Variants in PRPSAP2 observed in about 807,000 individuals in gnomAD.
PRPSAP2 encodes the protein phosphoribosyl pyrophosphate synthetase associated protein 2.
PRPSAP2 carries 24 observed loss-of-function variants against 40.6 expected under a neutral mutation model. The ratio of observed to expected loss-of-function variants is 0.59; its 90% CI spans 0.43 to 0.83. The LOEUF is 0.83. Ranked by LOEUF, PRPSAP2 falls within the 40% of genes least tolerant of loss-of-function variation. The probability of loss-of-function intolerance (pLI) is 0.00; values close to 1 mark genes in which losing one functional copy is unlikely to be tolerated. For missense variants in PRPSAP2, 292 were observed against 465.6 expected, an observed-to-expected ratio of 0.63 and a Z score of 3.43; for synonymous variants, 149 against 164.7, an observed-to-expected ratio of 0.90 and a Z score of 0.73.
chr17:18,908,068 G>A (rs1351237990), intron 8 of PRPSAP2, among the ~76,000 whole-genome samples: 1 of 152,136 alleles, frequency 6.6e-6, no homozygotes, highest in African/African-American at 2.4e-5. Flanking sequence ...ATCCAGAGGT[G>A]GAGGCTGCAG....
intron 8 of PRPSAP2, among the ~76,000 whole-genome samples, chr17:18,890,293 C>T (rs1057456740): frequency 2.0e-5 from 3 of 152,042 alleles, no homozygotes; most frequent in Non-Finnish European, 4.4e-5. Context: ...CCTCAGCCTC[C>T]CAAGTAGCTG....
At chr17:18,890,872 C>T (rs956264156) in intron 8 of PRPSAP2, among the ~76,000 whole-genome samples, 3 of 152,202 alleles carry the variant, frequency 2.0e-5, no homozygotes, top group Non-Finnish European at 4.4e-5. Flanking sequence ...AAAATTGACA[C>T]AACCTGAGGT....
intron 8 of PRPSAP2, among the ~76,000 whole-genome samples, chr17:18,895,466 G>C (rs930895073): frequency 9.9e-5 from 15 of 151,602 alleles, no homozygotes; most frequent in African/African-American, 3.6e-4. Flanking sequence ...TTAGTTCTGT[G>C]AACATATTTA....
chr17:18,872,711 A>T, intron 5 of PRPSAP2, 62 bp downstream of exon 5: 1 of 1,245,512 alleles, frequency 8.0e-7, no homozygotes, highest in Non-Finnish European at 1.2e-6. Flanking sequence ...GTTTAAAATA[A>T]TGATAGATGG....
At chr17:18,892,581 G>A (rs1218006879) in intron 8 of PRPSAP2, among the ~76,000 whole-genome samples, 2 of 149,650 alleles carry the variant, frequency 1.3e-5, no homozygotes, top group Non-Finnish European at 3.0e-5. Context: ...AATGATTGAT[G>A]ATGTTGAGTA....
At chr17:18,900,344 T>TG (rs1357494427) in intron 8 of PRPSAP2, among the ~76,000 whole-genome samples, 2 of 152,182 alleles carry the variant, frequency 1.3e-5, no homozygotes, top group African/African-American at 4.8e-5. Flanking sequence ...TTATACCTTC[T>TG]ATTTTTTTGT....
chr17:18,861,377 T>A (rs1402955482), intron 1 of PRPSAP2: 4 of 151,280 alleles, frequency 2.6e-5, no homozygotes. Flanking sequence ...GGCAGGAGAA[T>A]CGCTTGAACC....
intron 8 of PRPSAP2, among the ~76,000 whole-genome samples, chr17:18,903,780 A>C (rs1343159124): frequency 6.6e-6 from 1 of 152,120 alleles, no homozygotes; most frequent in Admixed American, 6.6e-5. Context: ...AGCTCTGTCG[A>C]CATGGCATCA....
chr17:18,887,266 A>C (rs1314040289), intron 7 of PRPSAP2, among the ~76,000 whole-genome samples: 1 of 151,094 alleles, frequency 6.6e-6, no homozygotes, highest in East Asian at 1.9e-4. Flanking sequence ...GAAAAATTTT[A>C]ATGAAAAGAA....
In PRPSAP2 at chr17:18,882,551, C is replaced by A; in HGVS notation, c.413-17C>A. 1.4e-6 allele frequency: 2 copies of A among 1,412,360 alleles called. No individual in the cohort carries two copies. Among genetic ancestry groups the A allele is most frequent in the South Asian group, 1.2e-5 (1 of 81,928 alleles). 87.5% of individuals were successfully genotyped at this position (1,412,360 alleles called of 1,614,324 possible). On this transcript the variant is annotated splice_polypyrimidine_tract_variant and intron_variant, in intron 6 of 11. Transcript: ENST00000268835. ...AAACAAAACTATTTATTGCTTGTGT[C>A]TGCTTTATTTTCAAAGGTCTAACTC...
chr17:18,870,194 A>G (rs1415894545), intron 4 of PRPSAP2, among the ~76,000 whole-genome samples: 8 of 152,260 alleles, frequency 5.3e-5, no homozygotes, highest in Non-Finnish European at 1.5e-5. Flanking sequence ...CCTAGCTTGA[A>G]CAGTTAACAT....
Position 18,878,898 on chromosome 17 carries a change from C to G in PRPSAP2, c.412+1028C>G, listed in dbSNP as rs1239794722. On this transcript the variant is annotated intron_variant, in intron 6 of 11. Coordinates refer to ENST00000268835, the MANE Select transcript of PRPSAP2 (RefSeq NM_002767.4). Reference sequence around the variant, plus strand: ...GTTTATTTATTTTTTGAGACGGAGTCTTGCTCCGTTGCCCAGGCTGGAGTG... The same window carrying G: ...GTTTATTTATTTTTTGAGACGGAGTGTTGCTCCGTTGCCCAGGCTGGAGTG... Among the ~76,000 whole-genome samples the G allele has an allele frequency of 4.7e-5, 7 of 149,596 alleles. No individual in the cohort carries two copies. In the East Asian group the frequency reaches 1.0e-3, roughly 21 times the overall value.
intron 9 of PRPSAP2, among the ~76,000 whole-genome samples, chr17:18,923,349 G>A (rs929150757): frequency 1.4e-5 from 2 of 145,216 alleles, no homozygotes; most frequent in Non-Finnish European, 3.0e-5. Context: ...CTCGTGATCC[G>A]CCCGCCTCAG....
chr17:18,903,054 G>A (rs1321435620), intron 8 of PRPSAP2, among the ~76,000 whole-genome samples: 3 of 151,992 alleles, frequency 2.0e-5, no homozygotes, highest in African/African-American at 7.3e-5. Context: ...AGGTCAGTTG[G>A]GTAGATTGGA....
chr17:18,860,087 T>G (rs777624666), intron 1 of PRPSAP2, among the ~76,000 whole-genome samples: 3 of 150,060 alleles, frequency 2.0e-5, no homozygotes, highest in Non-Finnish European at 4.4e-5. Context: ...TGACACAGAG[T>G]CTTGCTCTGT....
chr17:18,899,379 C>A (rs2040117615), intron 8 of PRPSAP2, among the ~76,000 whole-genome samples: 1 of 152,054 alleles, frequency 6.6e-6, no homozygotes, highest in Non-Finnish European at 1.5e-5. Flanking sequence ...TGCCACCATG[C>A]CCTGCCACAG....
intron 7 of PRPSAP2, among the ~76,000 whole-genome samples, chr17:18,889,607 A>G (rs529402140): frequency 6.6e-6 from 1 of 152,216 alleles, no homozygotes; most frequent in South Asian, 2.1e-4. Flanking sequence ...CTAATCACCA[A>G]TTATCCCTAC....
At chr17:18,907,406 A>G (rs1273379735) in intron 8 of PRPSAP2, among the ~76,000 whole-genome samples, 1 of 152,248 alleles carries the variant, frequency 6.6e-6, no homozygotes, top group Non-Finnish European at 1.5e-5. Flanking sequence ...TATATGAAGC[A>G]AACACTGATA....
intron 5 of PRPSAP2, among the ~76,000 whole-genome samples, chr17:18,876,254 C>T (rs2038292828): frequency 6.6e-6 from 1 of 152,168 alleles, no homozygotes; most frequent in Non-Finnish European, 1.5e-5. Context: ...AAATTCCATC[C>T]ATTAACTGAA....
Sources: gnomAD v4.1 joint callset for allele counts (sites outside exome capture counted in the v4.1 genomes callset) on GRCh38, gnomAD v4.1.1 for gene constraint, MANE v1.5 for transcripts, NCBI Gene and HGNC (gene_info 2026-07-23, HGNC 2026-07-21) for gene names.